Variants in UGT1A7 observed in about 807,000 individuals in gnomAD.
UGT1A7 encodes the protein UDP glucuronosyltransferase family 1 member A7, also known as UDP-glucuronosyltransferase 1A7.
In UGT1A7, 33 loss-of-function variants were observed where a neutral mutation model predicts 45.6. The observed-to-expected ratio is 0.72, with a 90% CI of 0.55 to 0.97. The LOEUF (loss-of-function observed/expected upper bound fraction) is 0.97, where lower values mean the gene tolerates loss of function less well. Ranked by LOEUF, UGT1A7 falls within the 50% of genes least tolerant of loss-of-function variation. The probability of loss-of-function intolerance (pLI) is 0.00; values close to 1 mark genes in which losing one functional copy is unlikely to be tolerated. For missense variants in UGT1A7, 684 were observed against 666.2 expected (o/e 1.03, Z -0.29); for synonymous variants, 274 against 250.6 (o/e 1.09, Z -0.88).
At chr2:233,747,788 C>A in intron 1 of UGT1A7, 1 of 1,613,516 alleles carries the variant, frequency 6.2e-7, no homozygotes. Context: ...ATCCTTCCTC[C>A]TATATTCCTA....
intron 1 of UGT1A7, among the ~76,000 whole-genome samples, chr2:233,730,265 T>C (rs547052963): frequency 2.0e-5 from 3 of 152,104 alleles, no homozygotes; most frequent in East Asian, 3.9e-4. Context: ...AGACTGTTGG[T>C]TTGTAAAGGC....
At chr2:233,724,313 C>A (rs1238022468) in intron 1 of UGT1A7, among the ~76,000 whole-genome samples, 22 of 136,830 alleles carry the variant, frequency 1.6e-4, no homozygotes, top group Non-Finnish European at 2.9e-4. Context: ...CCCTCCCGGA[C>A]GGGGCGGCTG....
chr2:233,762,695 CT>C lies in UGT1A7; in HGVS notation c.856-4335del, dbSNP rs571184142. Among the ~76,000 whole-genome samples, 40 of 148,314 alleles carry C rather than the reference CT, an allele frequency of 2.7e-4. No individual in the cohort carries two copies. The South Asian group carries it at 8.3e-3, about 31-fold the overall frequency. ...TTTGTTCTGTTTCTTTCTCATTCAT[CT>C]TTTCTTAAGTATTTTACACGGTTTT... On this transcript the variant is annotated intron_variant, in intron 1 of 4. Coordinates refer to ENST00000373426, the MANE Select transcript of UGT1A7 (RefSeq NM_019077.3).
intron 1 of UGT1A7, among the ~76,000 whole-genome samples, chr2:233,715,912 C>G (rs2076476989): frequency 6.6e-6 from 1 of 152,186 alleles, no homozygotes; most frequent in African/African-American, 2.4e-5. Flanking sequence ...GTGGGAGGAT[C>G]ATTGAGCTCA....
At chr2:233,713,685 G>A (rs1039930586) in intron 1 of UGT1A7, 1 of 1,613,934 alleles carries the variant, frequency 6.2e-7, no homozygotes, top group South Asian at 1.1e-5. Flanking sequence ...TGCTCCTTAT[G>A]CAAGCCTTGC....
At position 233,730,468 on chromosome 2, in the gene UGT1A7, C is replaced by T. The variant is rs1456755301; in HGVS notation, c.856-36566C>T. ...TGATAGACAGGTGACCACAGGAGAC[C>T]TAGGCACTCACATGAAATAGAAGTG... On this transcript the variant is annotated intron_variant, in intron 1 of 4. Coordinates refer to ENST00000373426, the MANE Select transcript of UGT1A7 (RefSeq NM_019077.3). 5.3e-5 allele frequency among the ~76,000 whole-genome samples: 8 copies of T among 152,226 alleles called. No individual in the cohort carries two copies. In the East Asian group the frequency reaches 1.3e-3, roughly 26 times the overall value.
intron 1 of UGT1A7, among the ~76,000 whole-genome samples, chr2:233,756,884 T>C (rs1289001884): frequency 6.6e-6 from 1 of 152,128 alleles, no homozygotes; most frequent in Non-Finnish European, 1.5e-5. Flanking sequence ...GTAATGAGGA[T>C]GTGTTATCTC....
intron 1 of UGT1A7, among the ~76,000 whole-genome samples, chr2:233,714,126 C>A (rs866787079): frequency 6.6e-6 from 1 of 152,016 alleles, no homozygotes; most frequent in Middle Eastern, 3.2e-3. Context: ...GGAGACTGTT[C>A]GTTTGTAAAA....
intron 1 of UGT1A7, among the ~76,000 whole-genome samples, chr2:233,715,544 G>A (rs1354497871): frequency 6.6e-6 from 1 of 152,116 alleles, no homozygotes; most frequent in Non-Finnish European, 1.5e-5. Flanking sequence ...GACCGAGGGA[G>A]GAGGATTGCT....
At chr2:233,759,947 C>T (rs1327771342) in intron 1 of UGT1A7, among the ~76,000 whole-genome samples, 1 of 152,176 alleles carries the variant, frequency 6.6e-6, no homozygotes, top group Non-Finnish European at 1.5e-5. Flanking sequence ...CTAACTTGTT[C>T]ACTACATAGT....
Position 233,768,202 on chromosome 2 carries a change from C to A in UGT1A7, c.1076-18C>A. 6.2e-7 allele frequency: 1 copy of A among 1,614,156 alleles called. No individual in the cohort carries two copies. On this transcript the variant is annotated intron_variant, in intron 3 of 4. Transcript: ENST00000373426. ...TCAGAGATGTAACTGCTGACATCCT[C>A]CCTATTTTGCATCTCAGGTCACCCG...
Position 233,760,623 on chromosome 2 carries a change from A to G in UGT1A7, c.856-6411A>G, listed in dbSNP as rs181505697. ...CTTTCCTGCAGCGTGTGATCAAAAC[A>G]TACAAGAAAATAAAAAAGGACTCTG... On this transcript the variant is annotated intron_variant, in intron 1 of 4. Transcript: ENST00000373426. 5 of 1,614,198 alleles carry G rather than the reference A, an allele frequency of 3.1e-6. No homozygotes were observed. In the African/African-American group the frequency reaches 6.7e-5, roughly 22 times the overall value.
chr2:233,759,150 A>G (rs1697070072), intron 1 of UGT1A7, among the ~76,000 whole-genome samples: 1 of 152,238 alleles, frequency 6.6e-6, no homozygotes. Flanking sequence ...GGTGAGTTCC[A>G]CAGAACACAA....
intron 1 of UGT1A7, chr2:233,760,407 G>A (rs749423657): frequency 4.3e-6 from 7 of 1,614,102 alleles, no homozygotes; most frequent in Non-Finnish European, 5.9e-6. Context: ...GCAGCCACTG[G>A]CTGAGCATGC....
chr2:233,761,212 G>A (rs1200424446), intron 1 of UGT1A7: 5 of 1,613,556 alleles, frequency 3.1e-6, no homozygotes, highest in Non-Finnish European at 2.5e-6. Flanking sequence ...ACTTTGGATC[G>A]ATTAACTAGC....
intron 1 of UGT1A7, among the ~76,000 whole-genome samples, chr2:233,738,627 G>A (rs1481617124): frequency 1.3e-5 from 2 of 152,172 alleles, no homozygotes; most frequent in Non-Finnish European, 2.9e-5. Flanking sequence ...TGGCATTTTT[G>A]CCCCTGCCCT....
intron 1 of UGT1A7, among the ~76,000 whole-genome samples, chr2:233,752,997 A>G (rs1695105472): frequency 6.6e-6 from 1 of 151,602 alleles, no homozygotes. Context: ...CACTCATTCT[A>G]TCCTACCCAG....
At chr2:233,687,146 A>G (rs550767147) in intron 1 of UGT1A7, among the ~76,000 whole-genome samples, 1 of 152,336 alleles carries the variant, frequency 6.6e-6, no homozygotes, top group East Asian at 1.9e-4. Context: ...AAATATGATA[A>G]TACATGCAGA....
rs550981457 is a variant in UGT1A7, at chr2:233,769,346, G to C, written c.1295+907G>C. ...TAATAGGCTTATTAGAACCTTATGG[G>C]AAGAAGTGGTGGCCAGTGGTAGATT... On this transcript the variant is annotated intron_variant, in intron 4 of 4. Coordinates refer to ENST00000373426, the MANE Select transcript of UGT1A7 (RefSeq NM_019077.3). This position sits in a 1 kb window ranked among gnomAD's most constrained non-coding sequence, Gnocchi z 4.4. Among the ~76,000 whole-genome samples, 7 of 152,360 alleles carry C rather than the reference G, an allele frequency of 4.6e-5. No homozygotes were observed. In the South Asian group the frequency reaches 1.5e-3, roughly 32 times the overall value.
Sources: gnomAD v4.1 joint callset for allele counts (sites outside exome capture counted in the v4.1 genomes callset) on GRCh38, gnomAD v4.1.1 for gene constraint, Gnocchi (gnomAD v3.1) non-coding constraint, MANE v1.5 for transcripts, NCBI Gene and HGNC (gene_info 2026-07-23, HGNC 2026-07-21) for gene names.